Variants in TMEM67 observed in about 807,000 individuals in gnomAD.
The protein encoded by TMEM67 is meckelin.
TMEM67 carries 124 observed loss-of-function variants against 136.6 expected under a neutral mutation model. The observed-to-expected ratio is 0.91, with a 90% CI of 0.78 to 1.05. TMEM67 has a LOEUF of 1.05. Ranked by LOEUF, TMEM67 falls within the 50% of genes least tolerant of loss-of-function variation. The probability of loss-of-function intolerance (pLI) is 0.00; values close to 1 mark genes in which losing one functional copy is unlikely to be tolerated. For synonymous variants in TMEM67, 364 were observed against 390.5 expected (o/e 0.93, Z 0.80); for missense variants, 1,107 against 1,178.4 (o/e 0.94, Z 0.89).
intron 16 of TMEM67, among the ~76,000 whole-genome samples, chr8:93,794,322 A>T (rs569236514): frequency 6.6e-6 from 1 of 152,236 alleles, no homozygotes; most frequent in South Asian, 2.1e-4. Context: ...TATTCTATTA[A>T]CTTTATACTT....
intron 15 of TMEM67, among the ~76,000 whole-genome samples, chr8:93,792,918 A>G (rs1814446206): frequency 1.3e-5 from 2 of 151,678 alleles, no homozygotes; most frequent in Non-Finnish European, 1.5e-5. Context: ...GACTACAGGC[A>G]CCCACCACCA....
chr8:93,771,566 T>G (rs1360336431), intron 6 of TMEM67, among the ~76,000 whole-genome samples: 2 of 152,238 alleles, frequency 1.3e-5, no homozygotes, highest in African/African-American at 4.8e-5. Flanking sequence ...ATTAACTATA[T>G]TGCTGTCAAC....
At chr8:93,807,089 T>C (rs901458342) in intron 23 of TMEM67, among the ~76,000 whole-genome samples, 1 of 152,116 alleles carries the variant, frequency 6.6e-6, no homozygotes, top group Non-Finnish European at 1.5e-5. Context: ...AATAATGATT[T>C]TCCCCTCTTC....
At chr8:93,831,670 GC>G in the TMEM67 span, among the ~76,000 whole-genome samples, 1 of 151,644 alleles carries the variant, frequency 6.6e-6, no homozygotes, top group South Asian at 2.1e-4. Flanking sequence ...GCATGCATGT[GC>G]TTGTGTGTGT....
At chr8:93,790,357 C>T (rs746488592) in intron 14 of TMEM67, among the ~76,000 whole-genome samples, 5 of 152,204 alleles carry the variant, frequency 3.3e-5, no homozygotes, top group Admixed American at 6.5e-5. Context: ...AAGGTCCCTT[C>T]CTCTCTTCCT....
At chr8:93,832,089 T>G in the TMEM67 span, among the ~76,000 whole-genome samples, 1 of 152,132 alleles carries the variant, frequency 6.6e-6, no homozygotes, top group African/African-American at 2.4e-5. Context: ...AGGGCCAACT[T>G]TCCTCTCTAC....
Position 93,785,746 on chromosome 8 carries a change from GA to G in TMEM67, c.1288+371del, listed in dbSNP as rs1401447252. The G allele has an allele frequency of 3.3e-5, 7 of 209,308 alleles. No individual in the cohort carries two copies. In the Admixed American group the frequency reaches 3.8e-4, roughly 11 times the overall value. The allele number at this position is 209,308 out of a possible 1,614,324, so 13.0% of individuals were successfully genotyped here. ...CTGCTTTTTCAGGTAATTTGCAGGG[GA>G]AAGCCTTCCAAATTTATGAAAAGTT... is the stretch of plus-strand genomic sequence containing the variant. On this transcript the variant is annotated intron_variant, in intron 12 of 27. Transcript: ENST00000453321.
At chr8:93,810,736 C>T (rs1244638377) in intron 26 of TMEM67, among the ~76,000 whole-genome samples, 1 of 152,044 alleles carries the variant, frequency 6.6e-6, no homozygotes, top group Non-Finnish European at 1.5e-5. Flanking sequence ...ATTTCAGAAT[C>T]AACAGTCCAC....
chr8:93,774,740 T>G (rs1405697202), intron 7 of TMEM67, among the ~76,000 whole-genome samples: 1 of 152,242 alleles, frequency 6.6e-6, no homozygotes, highest in African/African-American at 2.4e-5. Context: ...ATGCCACATT[T>G]TCTTAATCCA....
chr8:93,765,747 A>G, intron 6 of TMEM67, 101 bp downstream of exon 6: 1 of 796,586 alleles, frequency 1.3e-6, no homozygotes, highest in Non-Finnish European at 2.2e-6. Flanking sequence ...TGTGTAAATC[A>G]TTTTAAAACA....
intron 23 of TMEM67, among the ~76,000 whole-genome samples, chr8:93,807,138 G>A (rs1353551700): frequency 6.6e-6 from 1 of 151,998 alleles, no homozygotes; most frequent in African/African-American, 2.4e-5. Context: ...ATACTTAATA[G>A]CATCAAGGAC....
the TMEM67 span, among the ~76,000 whole-genome samples, chr8:93,827,849 G>A: frequency 6.6e-6 from 1 of 151,752 alleles, no homozygotes; most frequent in East Asian, 1.9e-4. Context: ...CCTGTTTCAT[G>A]GTGGCCAATG....
chr8:93,826,654 CATTT>C, the TMEM67 span, among the ~76,000 whole-genome samples: 9 of 152,086 alleles, frequency 5.9e-5, no homozygotes, highest in Admixed American at 1.3e-4. Context: ...GCTTCTGTTT[CATTT>C]ATAAGCCCAA....
Position 93,772,590 on chromosome 8 carries a change from G to A in TMEM67, c.653G>A (p.Gly218Asp), listed in dbSNP as rs202036490. Residue 218 changes from glycine to aspartate, a missense_variant and splice_region_variant, in exon 7 of 28, where the codon GGC (glycine) becomes GAC (aspartate). By Grantham distance (94) the Gly-to-Asp change is moderately conservative. Transcript: ENST00000453321. ...RISAARYGEV[G>D]MSLTSEWFAK... ...TAAAATGTATCTTTTTGTTTACAGG[G>A]CATGTCTTTAACTTCAGAATGGTTT... The A allele has an allele frequency of 3.1e-6, 5 of 1,610,878 alleles. No homozygotes were observed. Among genetic ancestry groups the A allele is most frequent in the Non-Finnish European group, 4.2e-6 (5 of 1,177,636 alleles).
chr8:93,756,328 A>G (rs1210848224), intron 2 of TMEM67: 2 of 152,614 alleles, frequency 1.3e-5, no homozygotes, highest in East Asian at 3.8e-4. Context: ...CAATTGCATT[A>G]ATAGATTAAA....
chr8:93,760,116 C>A, intron 3 of TMEM67: 4 of 594,040 alleles, frequency 6.7e-6, no homozygotes, highest in Admixed American at 4.6e-5. Context: ...TTTTAAAGGA[C>A]CCTAATAAAT....
In TMEM67 at chr8:93,816,384, A is replaced by G; in HGVS notation, c.2920A>G (p.Ile974Val). Residue 974 changes from isoleucine (I) to valine (V), a missense_variant, in exon 28 of 28, where the codon ATC becomes GTC. By Grantham distance (29) the Ile-to-Val change is conservative (BLOSUM62 3). This residue lies in a region of TMEM67 where 925 missense variants were observed against 1,002.4 expected (regional missense o/e 0.92). Coordinates refer to ENST00000453321, the MANE Select transcript of TMEM67 (RefSeq NM_153704.6). ...TYLQQEIFRY[I>V]RNTVGQKNLA... Reference sequence around the variant, plus strand: ...TTTAATTTTCCAGATTTTTAGATATATCCGTAATACAGTAGGACAAAAGAA... The same window carrying G: ...TTTAATTTTCCAGATTTTTAGATATGTCCGTAATACAGTAGGACAAAAGAA... The G allele has an allele frequency of 6.4e-7, 1 of 1,555,182 alleles. No homozygotes were observed.
chr8:93,812,659 G>T (rs980578729), intron 26 of TMEM67, among the ~76,000 whole-genome samples: 1 of 152,290 alleles, frequency 6.6e-6, no homozygotes, highest in South Asian at 2.1e-4. Flanking sequence ...GTTTTGTGGG[G>T]TTATTATGTG....
At chr8:93,767,149 A>G (rs1437838687) in intron 6 of TMEM67, among the ~76,000 whole-genome samples, 1 of 152,154 alleles carries the variant, frequency 6.6e-6, no homozygotes, top group Non-Finnish European at 1.5e-5. Flanking sequence ...CATGAATGCA[A>G]CAGTTTTGAA....
Sources: gnomAD v4.1 joint callset for allele counts (sites outside exome capture counted in the v4.1 genomes callset) on GRCh38, gnomAD v4.1.1 for gene constraint, gnomAD v4.1.1 regional missense constraint, MANE v1.5 for transcripts, NCBI Gene and HGNC (gene_info 2026-07-23, HGNC 2026-07-21) for gene names.